Variants in LRRC37A2 observed in about 807,000 individuals in gnomAD.
The protein encoded by LRRC37A2 is leucine-rich repeat-containing protein 37A2.
In LRRC37A2, 9 loss-of-function variants were observed where a neutral mutation model predicts 68.8. The observed-to-expected ratio is 0.13, with a 90% CI of 0.08 to 0.23. The LOEUF is 0.23. LRRC37A2 is among the 10% of genes least tolerant of loss of function. The pLI is 1.00. For missense variants in LRRC37A2, 168 were observed against 950.4 expected (o/e 0.18, Z 10.82); for synonymous variants, 63 against 367.6 (o/e 0.17, Z 9.48).
chr17:46,767,769 TTTTG>T, the LRRC37A2 span, among the ~76,000 whole-genome samples: 1 of 151,574 alleles, frequency 6.6e-6, no homozygotes, highest in South Asian at 2.1e-4. Flanking sequence ...ACACACTGAA[TTTTG>T]TTTTTTTTTG....
chr17:46,853,860 A>G, the LRRC37A2 span, among the ~76,000 whole-genome samples: 1 of 152,066 alleles, frequency 6.6e-6, no homozygotes, highest in Non-Finnish European at 1.5e-5. Flanking sequence ...ATGAGAGGAG[A>G]GGGGTTCCAG....
the LRRC37A2 span, chr17:46,934,973 A>T: frequency 6.5e-7 from 1 of 1,529,336 alleles, no homozygotes; most frequent in Non-Finnish European, 9.1e-7. Context: ...GAGCAGTGAG[A>T]CCCCAGGAAC....
At chr17:47,004,542 C>T in the LRRC37A2 span, among the ~76,000 whole-genome samples, 1 of 152,280 alleles carries the variant, frequency 6.6e-6, no homozygotes, top group South Asian at 2.1e-4. Context: ...GCAATGCTTT[C>T]TTGAGACAGG....
At chr17:46,849,399 G>A in the LRRC37A2 span, among the ~76,000 whole-genome samples, 1 of 152,354 alleles carries the variant, frequency 6.6e-6, no homozygotes, top group East Asian at 1.9e-4. Context: ...GAGAACAGGA[G>A]GAGCAGCTGG....
the LRRC37A2 span, among the ~76,000 whole-genome samples, chr17:46,856,770 C>T: frequency 6.6e-6 from 1 of 152,144 alleles, no homozygotes; most frequent in Non-Finnish European, 1.5e-5. Context: ...GGGCGTGCAC[C>T]ACCACGGCCA....
the LRRC37A2 span, among the ~76,000 whole-genome samples, chr17:46,779,700 C>T: frequency 3.9e-5 from 6 of 152,362 alleles, no homozygotes; most frequent in South Asian, 2.1e-4. Context: ...ACCCTGATAA[C>T]GCCTGCTGTG....
At chr17:46,792,236 G>A in the LRRC37A2 span, among the ~76,000 whole-genome samples, 1 of 152,202 alleles carries the variant, frequency 6.6e-6, no homozygotes. Context: ...ACCATGGGTG[G>A]GAGGAGGTGT....
At chr17:46,951,828 C>T in the LRRC37A2 span, among the ~76,000 whole-genome samples, 1 of 152,194 alleles carries the variant, frequency 6.6e-6, no homozygotes, top group Non-Finnish European at 1.5e-5. Context: ...CCCCACTCTG[C>T]CCGCCTTTCA....
chr17:46,750,369 G>T, the LRRC37A2 span, among the ~76,000 whole-genome samples: 10 of 152,170 alleles, frequency 6.6e-5, no homozygotes, highest in East Asian at 1.9e-3. Context: ...AAAATGCCTA[G>T]GACCAGAAGT....
chr17:46,854,923 G>C, the LRRC37A2 span, among the ~76,000 whole-genome samples: 2 of 152,160 alleles, frequency 1.3e-5, no homozygotes, highest in Non-Finnish European at 2.9e-5. Flanking sequence ...GCCTCCTAAA[G>C]TGCTGGGATT....
the LRRC37A2 span, among the ~76,000 whole-genome samples, chr17:46,980,267 C>T: frequency 6.6e-6 from 1 of 152,238 alleles, no homozygotes; most frequent in African/African-American, 2.4e-5. Flanking sequence ...TGGACTACTA[C>T]AGTTTATTTA....
the LRRC37A2 span, chr17:46,768,466 C>T: frequency 3.1e-6 from 5 of 1,614,054 alleles, no homozygotes; most frequent in African/African-American, 2.7e-5. The surrounding 1 kb of genome is among the most constrained non-coding windows in gnomAD (Gnocchi z 5.0). Flanking sequence ...TCGCAGCCAT[C>T]GATGCCGTGG....
chr17:46,796,193 C>G, the LRRC37A2 span, among the ~76,000 whole-genome samples: 8 of 152,252 alleles, frequency 5.3e-5, no homozygotes, highest in Non-Finnish European at 1.0e-4. Context: ...AGAAAAACAT[C>G]CCCCACTTCA....
rs543907383 is a variant in LRRC37A2 at position 46,520,934 on chromosome 17, G to T, written c.2753+651G>T. Among the ~76,000 whole-genome samples, 10 of 80,722 alleles carry T rather than the reference G, an allele frequency of 1.2e-4. No homozygotes were observed. The East Asian group carries it at 2.4e-3, about 20-fold the overall frequency. 53.0% of individuals were successfully genotyped at this position (80,722 alleles called of 152,430 possible). On this transcript the variant is annotated intron_variant, in intron 4 of 14. Transcript: ENST00000576629. ...TAACATTTAAATATTAAAAATAGCT[G>T]AATTATATCAATATTATCATCAAGA...
At chr17:46,873,295 T>A in the LRRC37A2 span, among the ~76,000 whole-genome samples, 260 of 151,722 alleles carry the variant, frequency 1.7e-3, 2 homozygotes, top group African/African-American at 6.1e-3. Flanking sequence ...TCTACCTCCC[T>A]CCCCACTCCA....
chr17:46,504,848 AATTGATTTAATAC>A, the LRRC37A2 span, among the ~76,000 whole-genome samples: 1 of 120,852 alleles, frequency 8.3e-6, no homozygotes, highest in Non-Finnish European at 1.7e-5. Flanking sequence ...TGCTTTAATA[AATTGATTTAATAC>A]ATTGATTTAT....
chr17:46,794,752 CTTT>C, the LRRC37A2 span, among the ~76,000 whole-genome samples: 15 of 129,270 alleles, frequency 1.2e-4, no homozygotes, highest in African/African-American at 2.3e-4. Context: ...CTTTCTTTTT[CTTT>C]TTTTTTTTTT....
At chr17:46,756,019 G>A in the LRRC37A2 span, 4 of 565,830 alleles carry the variant, frequency 7.1e-6, no homozygotes, top group Non-Finnish European at 1.2e-5. Flanking sequence ...CTCGTGGAAG[G>A]TGTCAATTTG....
the LRRC37A2 span, among the ~76,000 whole-genome samples, chr17:46,746,069 G>A: frequency 6.6e-6 from 1 of 152,066 alleles, no homozygotes; most frequent in Non-Finnish European, 1.5e-5. Context: ...ATCCTTGTGC[G>A]TAATACCTCC....
Sources: gnomAD v4.1 joint callset for allele counts (sites outside exome capture counted in the v4.1 genomes callset) on GRCh38, gnomAD v4.1.1 for gene constraint, Gnocchi (gnomAD v3.1) non-coding constraint, MANE v1.5 for transcripts, NCBI Gene and HGNC (gene_info 2026-07-23, HGNC 2026-07-21) for gene names.